The following SGCD variants were observed in gnomAD, a reference collection of about 807,000 sequenced individuals.
SGCD encodes the protein delta-sarcoglycan.
In SGCD, 18 loss-of-function variants were observed where a neutral mutation model predicts 36.6. That is an observed-to-expected ratio of 0.49 (90% confidence interval 0.34 to 0.73). SGCD has a LOEUF of 0.73. SGCD is among the 30% of genes least tolerant of loss of function. The pLI is 0.01. For synonymous variants in SGCD, 133 were observed against 130.6 expected, an observed-to-expected ratio of 1.02 and a Z score of -0.12; for missense variants, 387 against 346.7, an observed-to-expected ratio of 1.12 and a Z score of -0.92.
At chr5:155,793,026 G>A in the SGCD span, among the ~76,000 whole-genome samples, 1 of 152,110 alleles carries the variant, frequency 6.6e-6, no homozygotes, top group Admixed American at 6.5e-5. Context: ...TGGTGGAATG[G>A]GTAAAGAAAA....
At chr5:156,487,805 AAAAAAAAAAAAG>A in intron 3 of SGCD, among the ~76,000 whole-genome samples, 1 of 121,592 alleles carries the variant, frequency 8.2e-6, no homozygotes, top group South Asian at 2.8e-4. Flanking sequence ...AAAAAAAAAA[AAAAAAAAAAAAG>A]AAAGAAAGAA....
At chr5:155,933,629 G>A (rs1485300359) in intron 1 of SGCD, among the ~76,000 whole-genome samples, 1 of 152,196 alleles carries the variant, frequency 6.6e-6, no homozygotes, top group Non-Finnish European at 1.5e-5. Flanking sequence ...GGAACTGACA[G>A]CTTTGGTGCT....
At chr5:156,505,967 A>G (rs1054977293) in intron 3 of SGCD, among the ~76,000 whole-genome samples, 4 of 152,210 alleles carry the variant, frequency 2.6e-5, no homozygotes, top group Non-Finnish European at 4.4e-5. Flanking sequence ...ATGAGAAGAA[A>G]AATTGAAACA....
At chr5:156,584,744 A>G (rs1010401688) in intron 4 of SGCD, among the ~76,000 whole-genome samples, 4 of 152,202 alleles carry the variant, frequency 2.6e-5, no homozygotes, top group African/African-American at 2.4e-5. Context: ...TTTGCTGGCT[A>G]TATATCTATA....
intron 3 of SGCD, among the ~76,000 whole-genome samples, chr5:156,303,556 G>A (rs1295881726): frequency 1.3e-5 from 2 of 150,902 alleles, no homozygotes; most frequent in African/African-American, 2.4e-5. Flanking sequence ...TGTCCTCATG[G>A]TCACCATAGC....
At chr5:156,325,364 T>TAA (rs35117913), upstream of SGCD, among the ~76,000 whole-genome samples, 27 of 147,878 alleles carry the variant, frequency 1.8e-4, no homozygotes, top group South Asian at 6.4e-4. Flanking sequence ...TTTGCTCCAT[T>TAA]AAAAAAAAAA....
At chr5:156,590,082 A>G (rs937331476) in intron 5 of SGCD, among the ~76,000 whole-genome samples, 5 of 152,176 alleles carry the variant, frequency 3.3e-5, no homozygotes, top group African/African-American at 1.2e-4. Flanking sequence ...TGTATGTATG[A>G]ATGGCATTGT....
At position 156,608,850 on chromosome 5, in the gene SGCD, G is replaced by C. The variant is rs201321225; in HGVS notation, c.502+13799G>C. Among the ~76,000 whole-genome samples, 3 of 151,882 alleles carry C rather than the reference G, an allele frequency of 2.0e-5. No homozygotes were observed. In the East Asian group the frequency reaches 5.8e-4, roughly 29 times the overall value. On this transcript the variant is annotated intron_variant, in intron 6 of 8. Coordinates refer to ENST00000337851, the MANE Select transcript of SGCD (RefSeq NM_000337.6). ...TGTTGGTTTAAAGTCTGTTTTATCC[G>C]AGACTAGGATTGCAACCCCTGCCTT...
chr5:156,142,255 C>T (rs1401043243), intron 3 of SGCD, among the ~76,000 whole-genome samples: 1 of 152,198 alleles, frequency 6.6e-6, no homozygotes, highest in Non-Finnish European at 1.5e-5. Context: ...AGCCACTATA[C>T]TTCCTGTACG....
chr5:155,813,413 C>T, the SGCD span, among the ~76,000 whole-genome samples: 1 of 152,062 alleles, frequency 6.6e-6, no homozygotes, highest in Non-Finnish European at 1.5e-5. Context: ...CCTGCGCATG[C>T]CTGAATTCAA....
chr5:156,603,024 CT>C (rs1284871692), intron 6 of SGCD, among the ~76,000 whole-genome samples: 2 of 141,714 alleles, frequency 1.4e-5, no homozygotes, highest in Non-Finnish European at 3.1e-5. Context: ...AGTAATACTT[CT>C]TCTTTAAGTG....
chr5:156,114,825 A>G (rs1325059162), intron 1 of SGCD, among the ~76,000 whole-genome samples: 1 of 152,184 alleles, frequency 6.6e-6, no homozygotes, highest in Non-Finnish European at 1.5e-5. Flanking sequence ...GCCATAGGAC[A>G]GATTCCTGGA....
At chr5:156,153,821 G>T (rs1821244) in intron 3 of SGCD, among the ~76,000 whole-genome samples, 49,885 of 151,260 alleles carry the variant, frequency 0.33, 9,087 homozygotes, top group Admixed American at 0.41. Context: ...ATGAATTCAT[G>T]GTTACATCGT....
intron 1 of SGCD, among the ~76,000 whole-genome samples, chr5:155,931,182 A>G (rs1215308773): frequency 6.6e-6 from 1 of 151,906 alleles, no homozygotes; most frequent in Non-Finnish European, 1.5e-5. Context: ...AGCTCTTCTC[A>G]TTATTTTTAG....
intron 1 of SGCD, among the ~76,000 whole-genome samples, chr5:156,031,273 A>G (rs1402815209): frequency 6.6e-6 from 1 of 152,204 alleles, no homozygotes; most frequent in East Asian, 1.9e-4. Context: ...TGCTAGTCTG[A>G]GAACCACTCT....
chr5:156,507,988 G>A (rs1195581833), intron 3 of SGCD, among the ~76,000 whole-genome samples: 1 of 152,156 alleles, frequency 6.6e-6, no homozygotes, highest in Non-Finnish European at 1.5e-5. Context: ...AAACAAAGAA[G>A]GGGAGTGTAG....
intron 3 of SGCD, among the ~76,000 whole-genome samples, chr5:156,407,504 C>T (rs1772490412): frequency 6.6e-6 from 1 of 152,080 alleles, no homozygotes; most frequent in Admixed American, 6.6e-5. Context: ...CCCAGAAACT[C>T]ATAAAATGTT....
chr5:156,199,978 T>TTC (rs1764106006), intron 3 of SGCD, among the ~76,000 whole-genome samples: 1 of 152,116 alleles, frequency 6.6e-6, no homozygotes. Flanking sequence ...GTTCTAGGAA[T>TTC]CTACTAAAGG....
chr5:155,853,548 G>A, the SGCD span, among the ~76,000 whole-genome samples: 33 of 152,080 alleles, frequency 2.2e-4, no homozygotes, highest in Admixed American at 4.6e-4. Context: ...TTGCTCTTGC[G>A]CCTTTAAAAG....
Sources: gnomAD v4.1 joint callset for allele counts (sites outside exome capture counted in the v4.1 genomes callset) on GRCh38, gnomAD v4.1.1 for gene constraint, MANE v1.5 for transcripts, NCBI Gene and HGNC (gene_info 2026-07-23, HGNC 2026-07-21) for gene names.